SLC5A12: variants seen among roughly 807,000 people sequenced by gnomAD.
The protein encoded by SLC5A12 is solute carrier family 5 member 12.
A neutral mutation model predicts 72.7 loss-of-function variants in SLC5A12; 46 were observed. The ratio of observed to expected loss-of-function variants is 0.63; its 90% CI spans 0.50 to 0.81. The LOEUF (loss-of-function observed/expected upper bound fraction) is 0.81. Ranked by LOEUF, SLC5A12 falls within the 30% of genes least tolerant of loss-of-function variation. SLC5A12 has a pLI of 0.00. For synonymous variants in SLC5A12, 275 were observed against 264.4 expected (o/e 1.04, Z -0.39); for missense variants, 683 against 740.7 (o/e 0.92, Z 0.90).
In SLC5A12 at chr11:26,670,565, A is replaced by T. The variant is rs1229951382; in HGVS notation, c.*537T>A. On this transcript the variant is annotated 3_prime_UTR_variant, in exon 15 of 15. Transcript: ENST00000396005. ...ACAGTGGTGGTGAAGGGAGGTTAAT[A>T]GTAGTTGTATGCCAATTGTAGCTAC... 1 of 152,118 alleles carries T rather than the reference A, an allele frequency of 6.6e-6. No homozygotes were observed. Among genetic ancestry groups the T allele is most frequent in the Non-Finnish European group, 1.5e-5 (1 of 68,076 alleles). The allele number at this position is 152,118 out of a possible 1,614,324, so 9.4% of individuals were successfully genotyped here.
At chr11:26,701,455 C>T (rs1223442075) in intron 6 of SLC5A12, among the ~76,000 whole-genome samples, 2 of 152,122 alleles carry the variant, frequency 1.3e-5, no homozygotes, top group Non-Finnish European at 2.9e-5. Flanking sequence ...GAGTATGCCT[C>T]CTTTTCTGAC....
At chr11:26,684,758 A>C (rs1252193829) in intron 10 of SLC5A12, among the ~76,000 whole-genome samples, 3 of 152,182 alleles carry the variant, frequency 2.0e-5, no homozygotes, top group African/African-American at 7.2e-5. Context: ...ATTGCAGAGG[A>C]GCTCACAATG....
intron 13 of SLC5A12, among the ~76,000 whole-genome samples, chr11:26,674,256 G>T (rs1329926919): frequency 6.6e-6 from 1 of 152,060 alleles, no homozygotes; most frequent in Non-Finnish European, 1.5e-5. Context: ...CCCATAGTCA[G>T]TGTAGTGTAA....
In SLC5A12 at chr11:26,667,114, G is replaced by T. The variant is rs543337485; in HGVS notation, c.*3988C>A. Reference sequence around the variant, plus strand: ...GACATCAATTAAATTTTAGTTATTTGAAAATAGGTTATACTACAAGATTAT... The same window carrying T: ...GACATCAATTAAATTTTAGTTATTTTAAAATAGGTTATACTACAAGATTAT... On this transcript the variant is annotated 3_prime_UTR_variant, in exon 15 of 15. Coordinates refer to ENST00000396005, the MANE Select transcript of SLC5A12 (RefSeq NM_178498.4). 1 of 151,854 alleles carries T rather than the reference G, an allele frequency of 6.6e-6. No homozygotes were observed. The highest frequency in any genetic ancestry group is 2.4e-5 in the African/African-American group (1 of 41,468). The allele number at this position is 151,854 out of a possible 1,614,324, so 9.4% of individuals were successfully genotyped here.
Position 26,671,250 on chromosome 11 carries a change from T to C in SLC5A12, c.1709A>G (p.Glu570Gly), listed in dbSNP as rs1408140092. ...GVQHDSGTEQENLENGSARKQ... is the reference protein window; with the variant it reads ...GVQHDSGTEQGNLENGSARKQ... Reference sequence around the variant, plus strand: ...CCGGGCACTGCCATTCTCAAGGTTTTCCTGAGGGAAATACAAAGACACATA... The same window carrying C: ...CCGGGCACTGCCATTCTCAAGGTTTCCCTGAGGGAAATACAAAGACACATA... The change falls in exon 15 of 15, where the codon GAA (glutamate) becomes GGA (glycine). Residue 570 changes from glutamate to glycine, a missense_variant and splice_region_variant. Coordinates refer to ENST00000396005, the MANE Select transcript of SLC5A12 (RefSeq NM_178498.4). 4 of 1,593,690 alleles carry C rather than the reference T, an allele frequency of 2.5e-6. No homozygotes were observed. In the African/African-American group the frequency reaches 5.4e-5, roughly 22 times the overall value.
intron 1 of SLC5A12, among the ~76,000 whole-genome samples, chr11:26,719,228 T>C (rs1402855593): frequency 6.6e-6 from 1 of 152,244 alleles, no homozygotes; most frequent in Non-Finnish European, 1.5e-5. Flanking sequence ...TGCTAATTTA[T>C]AGTGTGTGTA....
chr11:26,712,507 G>T, intron 2 of SLC5A12, 134 bp downstream of exon 2: 1 of 506,474 alleles, frequency 2.0e-6, no homozygotes, highest in South Asian at 4.8e-5. Flanking sequence ...CATATTAAAA[G>T]TGCTATCTTT....
rs747007978 is a variant in SLC5A12 at position 26,721,338 on chromosome 11, GA to G, written c.339+37del. ...CCAGGTGCTATCATCAAGAGGATGA[GA>G]AAAAAAAATTAGAGAAGAATGGAGA... On this transcript the variant is annotated intron_variant, in intron 1 of 14. Transcript: ENST00000396005. 76 of 1,488,114 alleles carry G rather than the reference GA, an allele frequency of 5.1e-5. No individual in the cohort carries two copies. In the Middle Eastern group the frequency reaches 7.1e-4, roughly 14 times the overall value. The allele number at this position is 1,488,114 out of a possible 1,614,324, so 92.2% of individuals were successfully genotyped here.
intron 1 of SLC5A12, among the ~76,000 whole-genome samples, chr11:26,720,365 A>G (rs1855451469): frequency 8.0e-6 from 1 of 124,744 alleles, no homozygotes; most frequent in African/African-American, 2.6e-5. Flanking sequence ...AAATAAATAC[A>G]TGGAAAAAAA....
At chr11:26,696,672 G>T (rs1046324635) in intron 8 of SLC5A12, among the ~76,000 whole-genome samples, 1 of 152,158 alleles carries the variant, frequency 6.6e-6, no homozygotes, top group African/African-American at 2.4e-5. Flanking sequence ...CTTAACCATA[G>T]AAAAGGTATA....
intron 8 of SLC5A12, among the ~76,000 whole-genome samples, chr11:26,695,399 A>C (rs1453433675): frequency 2.6e-5 from 4 of 152,146 alleles, no homozygotes; most frequent in Non-Finnish European, 5.9e-5. Flanking sequence ...AACTTCACTT[A>C]ATTTCTTATA....
At chr11:26,721,304 C>A (rs1160372061) in intron 1 of SLC5A12, 72 bp downstream of exon 1, 3 of 1,122,306 alleles carry the variant, frequency 2.7e-6, no homozygotes, top group Non-Finnish European at 3.8e-6. Context: ...AGTGAGTGTT[C>A]TTCAACTACC....
chr11:26,679,510 T>G (rs1344827354), intron 12 of SLC5A12, among the ~76,000 whole-genome samples: 2 of 152,028 alleles, frequency 1.3e-5, no homozygotes, highest in Non-Finnish European at 2.9e-5. Context: ...AGCAAAATAA[T>G]GGAGTGCCCA....
rs1240898840 is a variant in SLC5A12, at chr11:26,705,969, C to T, written c.526-2022G>A. 2.2e-5 allele frequency among the ~76,000 whole-genome samples: 3 copies of T among 136,072 alleles called. No homozygotes were observed. In the East Asian group the frequency reaches 6.7e-4, roughly 30 times the overall value. The allele number at this position is 136,072 out of a possible 152,430, so 89.3% of individuals were successfully genotyped here. A position where few individuals can be genotyped will look rare whatever the true frequency, so the allele number is the denominator to read the frequency against. On this transcript the variant is annotated intron_variant, in intron 4 of 14. Transcript: ENST00000396005. ...ACACACACACACACACACACACACA[C>T]ACACACACACTTACCTTCTTTAATA... is the stretch of plus-strand genomic sequence containing the variant.
At chr11:26,697,937 G>A (rs184582880) in intron 7 of SLC5A12, among the ~76,000 whole-genome samples, 1,244 of 121,580 alleles carry the variant, frequency 0.01, 20 homozygotes, top group African/African-American at 0.037. Context: ...CACTCTTGTC[G>A]CCCAGGCTGG....
intron 8 of SLC5A12, among the ~76,000 whole-genome samples, chr11:26,693,813 C>G (rs1260274635): frequency 6.6e-6 from 1 of 152,034 alleles, no homozygotes; most frequent in Non-Finnish European, 1.5e-5. Flanking sequence ...AAAAACTGTC[C>G]AAGACCCATA....
rs1854039348 is a variant in SLC5A12, at chr11:26,668,039, T to C, written c.*3063A>G. On this transcript the variant is annotated 3_prime_UTR_variant, in exon 15 of 15. Coordinates refer to ENST00000396005, the MANE Select transcript of SLC5A12 (RefSeq NM_178498.4). ...CTTATATAAATCTTCATAATAATTC[T>C]ATTAAGTAGGGGTAATTTTTACTCC... is the stretch of plus-strand genomic sequence containing the variant. The C allele has an allele frequency of 6.6e-6, 1 of 152,070 alleles. No homozygotes were observed. Among genetic ancestry groups the C allele is most frequent in the East Asian group, 1.9e-4 (1 of 5,194 alleles). The allele number at this position is 152,070 out of a possible 1,614,324, so 9.4% of individuals were successfully genotyped here. A position where few individuals can be genotyped will look rare whatever the true frequency, so the allele number is the denominator to read the frequency against.
intron 11 of SLC5A12, among the ~76,000 whole-genome samples, chr11:26,681,655 T>A (rs1854413983): frequency 2.0e-5 from 3 of 152,042 alleles, no homozygotes; most frequent in Middle Eastern, 3.2e-3. Context: ...ACCAGCAGAG[T>A]CCCCTGACTC....
Position 26,721,857 on chromosome 11 carries a change from G to A in SLC5A12, c.-143C>T, listed in dbSNP as rs543796411. On this transcript the variant is annotated 5_prime_UTR_variant, in exon 1 of 15. The change creates a new upstream start codon in the 5' untranslated region. Coordinates refer to ENST00000396005, the MANE Select transcript of SLC5A12 (RefSeq NM_178498.4). ...AAGAAAATGATTACCAGAGGCACTC[G>A]TGTGAATCTTCAGACACCAACGTGT... is the stretch of plus-strand genomic sequence containing the variant. 1.4e-3 allele frequency: 1,065 copies of A among 736,294 alleles called. 4 individuals are homozygous for A. The highest frequency in any genetic ancestry group is 1.7e-3 in the South Asian group (94 of 56,190). The allele number at this position is 736,294 out of a possible 1,614,324, so 45.6% of individuals were successfully genotyped here. A position where few individuals can be genotyped will look rare whatever the true frequency, so the allele number is the denominator to read the frequency against.
Sources: gnomAD v4.1 joint callset for allele counts (sites outside exome capture counted in the v4.1 genomes callset) on GRCh38, gnomAD v4.1.1 for gene constraint, MANE v1.5 for transcripts, NCBI Gene and HGNC (gene_info 2026-07-23, HGNC 2026-07-21) for gene names.